The following NRG1 variants were observed in gnomAD, a reference collection of about 807,000 sequenced individuals.
The protein encoded by NRG1 is pro-neuregulin-1, membrane-bound isoform.
A neutral mutation model predicts 63.8 loss-of-function variants in NRG1; 18 were observed. The observed-to-expected ratio is 0.28, with a 90% CI of 0.19 to 0.42. The LOEUF is 0.42. Among genes scored for constraint, NRG1 ranks in the 10% least tolerant of loss-of-function variants. NRG1 has a pLI of 1.00. For synonymous variants in NRG1, 302 were observed against 301.3 expected, an observed-to-expected ratio of 1.00 and a Z score of -0.02; for missense variants, 762 against 814.7, an observed-to-expected ratio of 0.94 and a Z score of 0.79.
intron 1 of NRG1, among the ~76,000 whole-genome samples, chr8:32,529,414 C>T (rs1184642881): frequency 1.3e-5 from 2 of 152,146 alleles, no homozygotes; most frequent in Non-Finnish European, 2.9e-5. Context: ...ACATAGGCTG[C>T]ACTAAATATG....
chr8:31,827,482 T>C (rs568433508), intron 1 of NRG1, among the ~76,000 whole-genome samples: 23 of 152,256 alleles, frequency 1.5e-4, no homozygotes, highest in African/African-American at 5.5e-4. Context: ...GAGTGAATAA[T>C]AGGAAGATTT....
intron 1 of NRG1, among the ~76,000 whole-genome samples, chr8:31,941,030 A>G (rs1220404951): frequency 6.6e-6 from 1 of 152,138 alleles, no homozygotes; most frequent in African/African-American, 2.4e-5. Context: ...AGAAAGAAGG[A>G]ATACTCTCTA....
chr8:31,650,217 A>G (rs1012199799), intron 1 of NRG1, among the ~76,000 whole-genome samples: 5 of 152,264 alleles, frequency 3.3e-5, no homozygotes, highest in South Asian at 4.1e-4. Context: ...AGCTCAAGCA[A>G]TGCTCCCACC....
chr8:31,971,840 G>C lies in NRG1; in HGVS notation c.37+332409G>C, dbSNP rs544574278. On this transcript the variant is annotated intron_variant, in intron 1 of 10. Transcript: ENST00000519301. ...CCAAGGTGTGGGCTCTTTTTGGTTA[G>C]TAAACTTCACTTGTCATCTCCTTTG... 2.6e-5 allele frequency among the ~76,000 whole-genome samples: 4 copies of C among 152,158 alleles called. No homozygotes were observed. The East Asian group carries it at 7.7e-4, about 29-fold the overall frequency.
At chr8:32,128,135 G>T (rs545371338) in intron 1 of NRG1, among the ~76,000 whole-genome samples, 1 of 151,998 alleles carries the variant, frequency 6.6e-6, no homozygotes, top group African/African-American at 2.4e-5. Flanking sequence ...AGAGAATGAG[G>T]TTTCTTCCTC....
intron 1 of NRG1, among the ~76,000 whole-genome samples, chr8:32,008,341 C>G (rs1814133147): frequency 6.6e-6 from 1 of 151,972 alleles, no homozygotes; most frequent in Admixed American, 6.6e-5. Flanking sequence ...ACATGTATAA[C>G]TATTCCATTC....
At chr8:32,030,987 G>A (rs1054013385) in intron 1 of NRG1, among the ~76,000 whole-genome samples, 1 of 152,132 alleles carries the variant, frequency 6.6e-6, no homozygotes, top group African/African-American at 2.4e-5. Context: ...CAGTTATTTT[G>A]TGTTACTGCA....
intron 1 of NRG1, among the ~76,000 whole-genome samples, chr8:32,164,512 C>A (rs1360650274): frequency 2.0e-5 from 3 of 152,096 alleles, no homozygotes; most frequent in Admixed American, 1.3e-4. Context: ...AATAAAATCT[C>A]CAGGAGCAAA....
intron 1 of NRG1, among the ~76,000 whole-genome samples, chr8:32,398,932 T>G (rs1318050919): frequency 7.9e-5 from 12 of 152,238 alleles, no homozygotes; most frequent in African/African-American, 2.9e-4. Flanking sequence ...ATGAGTTTTT[T>G]GAGATTATAT....
intron 1 of NRG1, among the ~76,000 whole-genome samples, chr8:32,557,987 AT>A (rs1460223167): frequency 6.6e-6 from 1 of 152,164 alleles, no homozygotes. Flanking sequence ...TACTTATTAT[AT>A]TTTGATATTT....
chr8:31,857,710 T>C (rs185086331), intron 1 of NRG1, among the ~76,000 whole-genome samples: 1 of 152,396 alleles, frequency 6.6e-6, no homozygotes, highest in East Asian at 1.9e-4. Context: ...TTTTTGCTAA[T>C]GACTTACTAC....
At chr8:31,902,970 C>T (rs181098804) in intron 1 of NRG1, among the ~76,000 whole-genome samples, 1 of 152,216 alleles carries the variant, frequency 6.6e-6, no homozygotes, top group Non-Finnish European at 1.5e-5. Context: ...TTCTCCCTCT[C>T]ATGATGTTAG....
intron 1 of NRG1, among the ~76,000 whole-genome samples, chr8:32,502,084 T>C (rs1827923492): frequency 6.6e-6 from 1 of 152,132 alleles, no homozygotes; most frequent in African/African-American, 2.4e-5. Flanking sequence ...TGAGATTGGG[T>C]AATTTACAAA....
chr8:32,291,492 T>A (rs966337233), intron 1 of NRG1, among the ~76,000 whole-genome samples: 1 of 151,968 alleles, frequency 6.6e-6, no homozygotes. Context: ...CTTGAGCCTA[T>A]TAATCCTAAA....
chr8:32,725,464 ATTTTTTTTTTTTTTTTT>A (rs71209904), intron 5 of NRG1, among the ~76,000 whole-genome samples: 2 of 67,540 alleles, frequency 3.0e-5, no homozygotes, highest in African/African-American at 1.1e-4. Flanking sequence ...AAACTTCCTA[ATTTTTTTTTTTTTTTTT>A]TTTTTTTTTT....
intron 1 of NRG1, among the ~76,000 whole-genome samples, chr8:32,465,893 C>A (rs1321295788): frequency 1.3e-5 from 2 of 151,826 alleles, no homozygotes. Context: ...AGTATATTTA[C>A]AATAGAAAAA....
chr8:32,003,200 A>G (rs979711942), intron 1 of NRG1, among the ~76,000 whole-genome samples: 2 of 152,058 alleles, frequency 1.3e-5, no homozygotes, highest in Non-Finnish European at 2.9e-5. Flanking sequence ...CCATCCTGTG[A>G]TAAATATGTA....
At chr8:32,579,697 A>G (rs774001882) in intron 1 of NRG1, among the ~76,000 whole-genome samples, 5 of 152,198 alleles carry the variant, frequency 3.3e-5, no homozygotes, top group Non-Finnish European at 7.3e-5. Flanking sequence ...AATCAACACA[A>G]TTGATTTCTC....
intron 1 of NRG1, among the ~76,000 whole-genome samples, chr8:31,982,644 T>C (rs921656978): frequency 5.9e-5 from 9 of 152,034 alleles, no homozygotes; most frequent in African/African-American, 1.9e-4. Flanking sequence ...TCCATTTTTG[T>C]GATGTGATGG....
Sources: allele counts gnomAD v4.1 joint callset (sites outside exome capture counted in the v4.1 genomes callset), GRCh38; gene constraint gnomAD v4.1.1; transcripts MANE v1.5; gene names NCBI Gene and HGNC (gene_info 2026-07-23, HGNC 2026-07-21).